The following RSRC1 variants were observed in gnomAD, a reference collection of about 807,000 sequenced individuals.
RSRC1 encodes serine/Arginine-related protein 53.
A neutral mutation model predicts 49.1 loss-of-function variants in RSRC1; 39 were observed. That is an observed-to-expected ratio of 0.79 (90% CI 0.61 to 1.04). The LOEUF (loss-of-function observed/expected upper bound fraction) is 1.04, where lower values mean the gene tolerates loss of function less well. Among genes scored for constraint, RSRC1 ranks in the 50% least tolerant of loss-of-function variants. The pLI, the probability that RSRC1 is intolerant of heterozygous loss-of-function variation, is 0.00. For synonymous variants in RSRC1, 143 were observed against 130.8 expected (o/e 1.09, Z -0.63); for missense variants, 388 against 402.4 (o/e 0.96, Z 0.31).
intron 7 of RSRC1, among the ~76,000 whole-genome samples, chr3:158,518,124 G>GCA (rs1560073691): frequency 0.04 from 2,119 of 53,062 alleles, 117 homozygotes; most frequent in Middle Eastern, 0.056. Context: ...GTGTGTGTGT[G>GCA]TGTATATATA....
intron 7 of RSRC1, among the ~76,000 whole-genome samples, chr3:158,492,842 C>T (rs974138910): frequency 1.3e-5 from 2 of 152,170 alleles, no homozygotes; most frequent in Admixed American, 6.5e-5. Context: ...TATCCCCACC[C>T]TGCTCCCACT....
chr3:158,426,971 A>G (rs1290567350), intron 6 of RSRC1, among the ~76,000 whole-genome samples: 5 of 151,764 alleles, frequency 3.3e-5, no homozygotes, highest in Non-Finnish European at 7.4e-5. Flanking sequence ...CTTAGCCCCT[A>G]GGGAAGTTAT....
chr3:158,386,843 T>C lies in RSRC1; in HGVS notation c.583+31935T>C, dbSNP rs545728708. ...CACTAGACCAAAAAAAAAAAAAAGA[T>C]AATTTTATTACGTATTATTGCAAAA... On this transcript the variant is annotated intron_variant, in intron 6 of 9. Transcript: ENST00000611884. Among the ~76,000 whole-genome samples the C allele has an allele frequency of 1.3e-4, 19 of 150,886 alleles. No individual in the cohort carries two copies. In the South Asian group the frequency reaches 3.1e-3, roughly 25 times the overall value.
At chr3:158,534,094 A>T (rs1488318292) in intron 7 of RSRC1, among the ~76,000 whole-genome samples, 1 of 151,518 alleles carries the variant, frequency 6.6e-6, no homozygotes, top group Non-Finnish European at 1.5e-5. Context: ...GGTGGCTGCT[A>T]CTTGCAAGCA....
intron 1 of RSRC1, among the ~76,000 whole-genome samples, chr3:158,114,146 T>G (rs1714627879): frequency 6.6e-6 from 1 of 152,230 alleles, no homozygotes; most frequent in African/African-American, 2.4e-5. Flanking sequence ...ATTTAAGTCT[T>G]TAATCTATCT....
At position 158,222,935 on chromosome 3, in the gene RSRC1, C is replaced by T. The variant is rs192751063; in HGVS notation, c.494+19690C>T. Among the ~76,000 whole-genome samples the T allele has an allele frequency of 1.1e-3, 164 of 151,718 alleles. 1 individual carries two copies. Among genetic ancestry groups the T allele is most frequent in the Non-Finnish European group, 2.0e-3 (137 of 67,758 alleles). On this transcript the variant is annotated intron_variant, in intron 4 of 9. Coordinates refer to ENST00000611884, the MANE Select transcript of RSRC1 (RefSeq NM_001271838.2). ...ACCTCTCATCTCCTCCAGCACTATT[C>T]CATTTCTCTGCTCCTCATTTCAGTA...
At chr3:158,445,976 T>A (rs1227267244) in intron 6 of RSRC1, among the ~76,000 whole-genome samples, 1 of 152,166 alleles carries the variant, frequency 6.6e-6, no homozygotes, top group Non-Finnish European at 1.5e-5. Flanking sequence ...GCCGTCAGTC[T>A]GTTTTGCAAA....
intron 5 of RSRC1, among the ~76,000 whole-genome samples, chr3:158,319,818 G>A (rs374007321): frequency 5.3e-5 from 8 of 152,142 alleles, no homozygotes; most frequent in African/African-American, 1.9e-4. Flanking sequence ...AACAGGAAGT[G>A]AATTCCTGGT....
At chr3:158,396,740 A>G (rs1733633373) in intron 6 of RSRC1, among the ~76,000 whole-genome samples, 1 of 152,162 alleles carries the variant, frequency 6.6e-6, no homozygotes, top group Non-Finnish European at 1.5e-5. Context: ...GGTATATGGA[A>G]GCCACTTTCA....
At chr3:158,117,898 TTTCTTTCTTTC>T (rs1156435042) in intron 1 of RSRC1, among the ~76,000 whole-genome samples, 1 of 151,652 alleles carries the variant, frequency 6.6e-6, no homozygotes, top group Non-Finnish European at 1.5e-5. Flanking sequence ...TCTTTCTTTC[TTTCTTTCTTTC>T]TTTTTTTGAG....
intron 5 of RSRC1, 143 bp from the exon 6 acceptor site, chr3:158,354,714 G>A: frequency 1.6e-6 from 1 of 613,258 alleles, no homozygotes; most frequent in Non-Finnish European, 2.8e-6. Flanking sequence ...AGTGCAAGAT[G>A]TGATGGATTT....
At chr3:158,260,088 T>C (rs950412152) in intron 4 of RSRC1, among the ~76,000 whole-genome samples, 12 of 151,944 alleles carry the variant, frequency 7.9e-5, no homozygotes, top group African/African-American at 2.9e-4. Flanking sequence ...TCTGAGTTGG[T>C]AGCCAAGCTG....
intron 5 of RSRC1, among the ~76,000 whole-genome samples, chr3:158,309,033 A>G (rs894302764): frequency 6.6e-6 from 1 of 151,968 alleles, no homozygotes; most frequent in African/African-American, 2.4e-5. Flanking sequence ...GGTTGTTTAC[A>G]TTCAAAATAT....
intron 6 of RSRC1, among the ~76,000 whole-genome samples, chr3:158,385,339 A>G (rs28608522): frequency 0.093 from 14,092 of 152,152 alleles, 2,219 homozygotes; most frequent in African/African-American, 0.33. Context: ...TTCATCTATT[A>G]TATTTAAAAT....
chr3:158,176,495 C>A (rs4410410), intron 3 of RSRC1, among the ~76,000 whole-genome samples: 95,822 of 151,976 alleles, frequency 0.63, 30,833 homozygotes, highest in African/African-American at 0.73. Context: ...GAAATAACAC[C>A]ACACATCTAC....
At chr3:158,243,579 A>G (rs1723717085) in intron 4 of RSRC1, among the ~76,000 whole-genome samples, 1 of 152,148 alleles carries the variant, frequency 6.6e-6, no homozygotes, top group Admixed American at 6.5e-5. Context: ...TAATTCTGTG[A>G]TGAATGTCAG....
chr3:158,360,376 C>T (rs1731397817), intron 6 of RSRC1, among the ~76,000 whole-genome samples: 1 of 152,192 alleles, frequency 6.6e-6, no homozygotes, highest in African/African-American at 2.4e-5. Context: ...AGTCCCCACT[C>T]CGGTCCATAG....
intron 3 of RSRC1, among the ~76,000 whole-genome samples, chr3:158,190,407 A>G (rs1720168368): frequency 6.6e-6 from 1 of 151,810 alleles, no homozygotes; most frequent in Non-Finnish European, 1.5e-5. Flanking sequence ...GAAATTTTCT[A>G]CTACTTTTGT....
chr3:158,439,074 C>T (rs1736226968), intron 6 of RSRC1, among the ~76,000 whole-genome samples: 1 of 152,070 alleles, frequency 6.6e-6, no homozygotes, highest in Non-Finnish European at 1.5e-5. Flanking sequence ...TGCTCATCAT[C>T]ACTGGCCATC....
Sources: allele counts gnomAD v4.1 joint callset (sites outside exome capture counted in the v4.1 genomes callset), GRCh38; gene constraint gnomAD v4.1.1; transcripts MANE v1.5; gene names NCBI Gene and HGNC (gene_info 2026-07-23, HGNC 2026-07-21).